TTC39B: variants seen among roughly 807,000 people sequenced by gnomAD.
TTC39B encodes tetratricopeptide repeat protein 39B.
TTC39B carries 92 observed loss-of-function variants against 96.6 expected under a neutral mutation model. The ratio of observed to expected loss-of-function variants is 0.95; its 90% confidence interval spans 0.80 to 1.13. TTC39B has a LOEUF of 1.13. TTC39B is among the 50% of genes most tolerant of loss of function. The pLI, the probability that TTC39B is intolerant of heterozygous loss-of-function variation, is 0.00. For missense variants in TTC39B, 955 were observed against 809.3 expected (o/e 1.18, Z -2.18); for synonymous variants, 367 against 299.4 (o/e 1.23, Z -2.33).
rs1251369444 is a variant in TTC39B, at chr9:15,167,005, TATATATATATATATATATATA to T, written c.*4993_*5013del. On this transcript the variant is annotated 3_prime_UTR_variant, in exon 20 of 20. Transcript: ENST00000512701. ...TTTTATATATATATATATATATATA[TATATATATATATATATATATA>T]TATTTTTTTTTTTTTTTTTTTTTTT... The T allele has an allele frequency of 5.5e-3, 42 of 7,684 alleles. 4 individuals carry two copies. The highest frequency in any genetic ancestry group is 0.041 in the South Asian group (9 of 220). 0.5% of individuals were successfully genotyped at this position (7,684 alleles called of 1,614,324 possible). A position where few individuals can be genotyped will look rare whatever the true frequency, so the allele number is the denominator to read the frequency against.
In TTC39B at chr9:15,167,001, TATATATATATATATA is replaced by T. The variant is rs1817534194; in HGVS notation, c.*5003_*5017del. 36 of 10,692 alleles carry T rather than the reference TATATATATATATATA, an allele frequency of 3.4e-3. 2 individuals are homozygous for T. Among genetic ancestry groups the T allele is most frequent in the African/African-American group, 6.1e-3 (12 of 1,952 alleles). The allele number at this position is 10,692 out of a possible 1,614,324, so 0.7% of individuals were successfully genotyped here. A position where few individuals can be genotyped will look rare whatever the true frequency, so the allele number is the denominator to read the frequency against. ...TTTATTTTATATATATATATATATA[TATATATATATATATA>T]TATATATATATATTTTTTTTTTTTT... On this transcript the variant is annotated 3_prime_UTR_variant, in exon 20 of 20. Coordinates refer to ENST00000512701, the Ensembl canonical transcript of TTC39B.
At chr9:15,261,683 C>T (rs1822951719) in intron 2 of TTC39B, among the ~76,000 whole-genome samples, 2 of 152,130 alleles carry the variant, frequency 1.3e-5, no homozygotes, top group South Asian at 4.1e-4. Context: ...TGCACTGCCT[C>T]TACCAACTGA....
chr9:15,215,658 G>A (rs1820473837), intron 3 of TTC39B, among the ~76,000 whole-genome samples: 2 of 151,654 alleles, frequency 1.3e-5, no homozygotes, highest in African/African-American at 2.4e-5. Context: ...AGGAGTTTGA[G>A]ACCAGCCTGG....
At chr9:15,227,399 C>G (rs1821184201) in intron 2 of TTC39B, among the ~76,000 whole-genome samples, 1 of 151,846 alleles carries the variant, frequency 6.6e-6, no homozygotes, top group African/African-American at 2.4e-5. Flanking sequence ...TCCCAATGCA[C>G]TCTAATATTT....
rs1161175672 is a variant in TTC39B, at chr9:15,281,625, C to CAAAAAAA, written c.241-13684_241-13678dup. On this transcript the variant is annotated intron_variant, in intron 1 of 19. Coordinates refer to ENST00000512701, the Ensembl canonical transcript of TTC39B. ...CCTACCAACATCCCCCCTGCAACAG[C>CAAAAAAA]AAAAAAAAAAAAAAAAAAAAAAAAA... Among the ~76,000 whole-genome samples the CAAAAAAA allele has an allele frequency of 5.9e-4, 29 of 48,918 alleles. 1 individual carries two copies. Among genetic ancestry groups the CAAAAAAA allele is most frequent in the Middle Eastern group, 0.013 (1 of 78 alleles). The allele number at this position is 48,918 out of a possible 152,430, so 32.1% of individuals were successfully genotyped here.
Position 15,282,270 on chromosome 9 carries a change from A to T in TTC39B, c.241-14322T>A, listed in dbSNP as rs142942176. On this transcript the variant is annotated intron_variant, in intron 1 of 19. Transcript: ENST00000512701. Reference sequence around the variant, plus strand: ...TTTCATATACATTATCCACCAAAAAATGAATTAAAAATTCTAAACATGTTA... The same window carrying T: ...TTTCATATACATTATCCACCAAAAATTGAATTAAAAATTCTAAACATGTTA... Among the ~76,000 whole-genome samples the T allele has an allele frequency of 2.2e-3, 328 of 152,338 alleles. 1 individual carries two copies. Among genetic ancestry groups the T allele is most frequent in the African/African-American group, 7.6e-3 (315 of 41,588 alleles).
intron 2 of TTC39B, among the ~76,000 whole-genome samples, chr9:15,254,675 T>C (rs897191285): frequency 6.6e-6 from 1 of 152,018 alleles, no homozygotes; most frequent in Non-Finnish European, 1.5e-5. Context: ...TAAATACCAA[T>C]CACAGGCTTA....
intron 9 of TTC39B, among the ~76,000 whole-genome samples, chr9:15,192,205 A>G (rs994223324): frequency 6.6e-6 from 1 of 152,206 alleles, no homozygotes; most frequent in South Asian, 2.1e-4. Flanking sequence ...TCAGACTTCC[A>G]TCTCCTCAGG....
chr9:15,172,804 C>G lies in TTC39B; in HGVS notation c.1959-695G>C, dbSNP rs529949591. Among the ~76,000 whole-genome samples the G allele has an allele frequency of 1.9e-4, 29 of 152,252 alleles. 1 individual carries two copies. Among genetic ancestry groups the G allele is most frequent in the Admixed American group, 1.3e-4 (2 of 15,296 alleles). On this transcript the variant is annotated intron_variant, in intron 19 of 19. Transcript: ENST00000512701. ...GCTATAACTGCTTTCTTTACAGTGGCACTTATTTCTATAGCCCTTCATTTT... is the reference window on the plus strand; with the variant it reads ...GCTATAACTGCTTTCTTTACAGTGGGACTTATTTCTATAGCCCTTCATTTT...
At chr9:15,281,625 C>CAAAAAAAAAAAAAAAAA (rs1161175672) in intron 1 of TTC39B, among the ~76,000 whole-genome samples, 4 of 49,008 alleles carry the variant, frequency 8.2e-5, no homozygotes, top group African/African-American at 3.8e-4. Context: ...CCTGCAACAG[C>CAAAAAAAAAAAAAAAAA]AAAAAAAAAA....
chr9:15,173,221 GATATCT>G (rs1817753992), intron 19 of TTC39B, among the ~76,000 whole-genome samples: 3 of 152,250 alleles, frequency 2.0e-5, no homozygotes, highest in African/African-American at 7.2e-5. Flanking sequence ...TGGATTTGAA[GATATCT>G]ATATCTAACA....
intron 15 of TTC39B, among the ~76,000 whole-genome samples, chr9:15,186,348 C>T (rs1447881159): frequency 6.6e-6 from 1 of 152,106 alleles, no homozygotes; most frequent in Non-Finnish European, 1.5e-5. Context: ...ATGTCTCAGA[C>T]AGGAACCCTT....
chr9:15,237,259 G>T (rs981254204), intron 2 of TTC39B, among the ~76,000 whole-genome samples: 1 of 152,186 alleles, frequency 6.6e-6, no homozygotes, highest in African/African-American at 2.4e-5. Flanking sequence ...AGGTTGCAGT[G>T]AGCCAAGATC....
intron 2 of TTC39B, 42 bp from the exon 3 acceptor site, chr9:15,226,054 T>C: frequency 6.3e-7 from 1 of 1,589,248 alleles, no homozygotes; most frequent in Non-Finnish European, 8.6e-7. Context: ...TATTTCTTTG[T>C]CCTGTGAGAA....
At chr9:15,253,871 T>G (rs560296446) in intron 2 of TTC39B, among the ~76,000 whole-genome samples, 154 of 152,306 alleles carry the variant, frequency 1.0e-3, no homozygotes, top group African/African-American at 3.5e-3. Flanking sequence ...GCTCTTAATA[T>G]TTAAACAATA....
intron 8 of TTC39B, among the ~76,000 whole-genome samples, chr9:15,195,498 T>G (rs1819107092): frequency 6.6e-6 from 1 of 151,562 alleles, no homozygotes; most frequent in South Asian, 2.1e-4. Flanking sequence ...GGTGAAACCT[T>G]GCCTCTACTA....
intron 2 of TTC39B, among the ~76,000 whole-genome samples, chr9:15,240,443 C>A (rs1223009572): frequency 1.3e-5 from 2 of 152,120 alleles, no homozygotes; most frequent in African/African-American, 4.8e-5. Context: ...AAAACTGTAA[C>A]CCTTAGTATT....
intron 9 of TTC39B, 57 bp downstream of exon 9, chr9:15,192,533 C>A: frequency 7.2e-7 from 1 of 1,388,216 alleles, no homozygotes; most frequent in African/African-American, 1.4e-5. Flanking sequence ...GGAGAAGGCA[C>A]AGAAAACCTT....
At chr9:15,288,102 T>C (rs1183844360) in intron 1 of TTC39B, among the ~76,000 whole-genome samples, 1 of 152,190 alleles carries the variant, frequency 6.6e-6, no homozygotes, top group African/African-American at 2.4e-5. Context: ...TCAAACTACA[T>C]TTTGATAGAT....
Sources: gnomAD v4.1 joint callset for allele counts (sites outside exome capture counted in the v4.1 genomes callset) on GRCh38, gnomAD v4.1.1 for gene constraint, MANE v1.5 for transcripts, NCBI Gene and HGNC (gene_info 2026-07-23, HGNC 2026-07-21) for gene names.